Variants in EZH1 observed in about 807,000 individuals in gnomAD.
The protein encoded by EZH1 is histone-lysine N-methyltransferase EZH1.
EZH1 carries 33 observed loss-of-function variants against 100.5 expected under a neutral mutation model. The observed-to-expected ratio is 0.33, with a 90% CI of 0.25 to 0.44. The LOEUF is 0.44. EZH1 is among the 20% of genes least tolerant of loss of function. The pLI is 1.00. For missense variants in EZH1, 475 were observed against 928.4 expected, an observed-to-expected ratio of 0.51 and a Z score of 6.35; for synonymous variants, 272 against 313.8, an observed-to-expected ratio of 0.87 and a Z score of 1.41.
At chr17:42,744,716 C>T (rs1334747773) in intron 1 of EZH1, among the ~76,000 whole-genome samples, 5 of 152,006 alleles carry the variant, frequency 3.3e-5, no homozygotes, top group Non-Finnish European at 5.9e-5. Context: ...CGGCCCACAC[C>T]GCCATCCAAC....
At chr17:42,730,788 G>C in intron 2 of EZH1, 40 bp downstream of exon 2, 1 of 942,006 alleles carries the variant, frequency 1.1e-6, no homozygotes, top group Non-Finnish European at 1.3e-6. Flanking sequence ...GAGCCACCGC[G>C]CCCGGCCAAG....
intron 6 of EZH1, among the ~76,000 whole-genome samples, chr17:42,721,433 A>T (rs2053703699): frequency 6.6e-6 from 1 of 152,188 alleles, no homozygotes; most frequent in Non-Finnish European, 1.5e-5. Context: ...TGGATCAAAG[A>T]AGTATGACAG....
At chr17:42,709,179 A>G (rs1423526658) in intron 13 of EZH1, 4 of 533,946 alleles carry the variant, frequency 7.5e-6, no homozygotes, top group Admixed American at 6.1e-5. Flanking sequence ...GAAATAAAAG[A>G]AAGCCCAAGC....
At chr17:42,720,514 G>C (rs1407981607) in intron 6 of EZH1, 65 bp from the exon 7 acceptor site, 1 of 1,483,046 alleles carries the variant, frequency 6.7e-7, no homozygotes, top group Non-Finnish European at 9.0e-7. Flanking sequence ...CTCCTAGGCA[G>C]GTTTTCTTGT....
intron 3 of EZH1, among the ~76,000 whole-genome samples, 190 bp downstream of exon 3, chr17:42,728,635 G>A (rs1231623079): frequency 1.3e-5 from 2 of 151,032 alleles, no homozygotes; most frequent in South Asian, 2.1e-4. Context: ...CCAGCTAATC[G>A]GGAGGCTGAG....
At chr17:42,712,026 G>A (rs1158185084) in intron 12 of EZH1, among the ~76,000 whole-genome samples, 1 of 152,112 alleles carries the variant, frequency 6.6e-6, no homozygotes, top group African/African-American at 2.4e-5. Flanking sequence ...AAGCGAAAGA[G>A]TGTAGGACCC....
Position 42,724,411 on chromosome 17 carries a change from C to T in EZH1, c.260G>A (p.Ser87Asn). The stretch of plus-strand genomic sequence containing the variant: ...TTGGCTTGCAAATCCCGGGAAAATG[C>T]TCTCTATGGTACACTGAAATATAAG... Reference protein sequence around the residue: ...HPFLKKCTIESIFPGFASQHM... With the variant: ...HPFLKKCTIENIFPGFASQHM... Residue 87 changes from serine to asparagine, a missense_variant, in exon 5 of 21, where the codon AGC becomes AAC. By Grantham distance (46) the Ser-to-Asn change is conservative. Around this residue, in one of 8 missense-constraint regions of EZH1, gnomAD observed 105 missense variants for 129.8 expected, o/e 0.81. Transcript: ENST00000428826. 2 of 1,613,922 alleles carry T rather than the reference C, an allele frequency of 1.2e-6. No homozygotes were observed. The highest frequency in any genetic ancestry group is 1.7e-6 in the Non-Finnish European group (2 of 1,179,878).
intron 14 of EZH1, among the ~76,000 whole-genome samples, chr17:42,708,393 G>A (rs199836555): frequency 1.3e-5 from 2 of 152,140 alleles, no homozygotes; most frequent in African/African-American, 2.4e-5. Context: ...AGTGGCTCAC[G>A]CCTGTAATCC....
In EZH1 at chr17:42,720,279, T is replaced by C. The variant is rs1296856855; in HGVS notation, c.658A>G (p.Ile220Val). The C allele has an allele frequency of 3.7e-6, 6 of 1,613,350 alleles. No homozygotes were observed. In the Admixed American group the frequency reaches 6.7e-5, roughly 18 times the overall value. Residue 220 changes from isoleucine to valine, a missense_variant, in exon 7 of 21, where the codon ATT becomes GTT. Transcript: ENST00000428826. ...GGGAGCCAGTGCTACGTACCTTCAA[T>C]AGCATGTCGCTTTCTCTTTCTTGTT... ...PVTRKRKRHA[I>V]EGNKKSSKKQ...
At position 42,720,272 on chromosome 17, in the gene EZH1, C is replaced by T. The variant is rs564187975; in HGVS notation, c.664+1G>A. On this transcript the variant is annotated splice_donor_variant, in intron 7 of 20. Coordinates refer to ENST00000428826, the MANE Select transcript of EZH1 (RefSeq NM_001991.5). LOFTEE classifies it high-confidence loss of function. ...GGAATAAGGGAGCCAGTGCTACGTACCTTCAATAGCATGTCGCTTTCTCTT... is the reference window on the plus strand; with the variant it reads ...GGAATAAGGGAGCCAGTGCTACGTATCTTCAATAGCATGTCGCTTTCTCTT... 1 of 1,612,288 alleles carries T rather than the reference C, an allele frequency of 6.2e-7. No individual in the cohort carries two copies. Among genetic ancestry groups the T allele is most frequent in the Admixed American group, 1.7e-5 (1 of 59,648 alleles).
intron 10 of EZH1, among the ~76,000 whole-genome samples, chr17:42,715,628 A>T (rs886255164): frequency 1.3e-5 from 2 of 152,188 alleles, no homozygotes; most frequent in Non-Finnish European, 2.9e-5. Context: ...ACAGAAGAAC[A>T]CAGAAATGAC....
chr17:42,733,032 CAA>C (rs35232752), intron 1 of EZH1, among the ~76,000 whole-genome samples: 11,099 of 103,186 alleles, frequency 0.11, 461 homozygotes, highest in African/African-American at 0.17. Flanking sequence ...ACCATCTCTA[CAA>C]AAAAAAAAAA....
intron 2 of EZH1, 89 bp from the exon 3 acceptor site, chr17:42,729,041 C>A: frequency 7.8e-7 from 1 of 1,283,224 alleles, no homozygotes; most frequent in Non-Finnish European, 1.1e-6. Flanking sequence ...ATCAATTATG[C>A]TTTCATTCCC....
Position 42,708,034 on chromosome 17 carries a change from G to A in EZH1, c.1584C>T (p.Asp528=), listed in dbSNP as rs773113718. The change falls in exon 15 of 21, where the codon GAC becomes GAT. Residue 528 remains aspartate (D), a synonymous_variant. Coordinates refer to ENST00000428826, the MANE Select transcript of EZH1 (RefSeq NM_001991.5). ...AGGGGCAGGTGCTGTCACAGGGGCG[G>A]TCTGGGTGGTCGCAGGGTTGGTAGT... ...VYNYQPCDHP[D]RPCDSTCPCI... The A allele has an allele frequency of 1.2e-6, 2 of 1,613,246 alleles. No homozygotes were observed. The highest frequency in any genetic ancestry group is 1.7e-6 in the Non-Finnish European group (2 of 1,179,760).
Position 42,718,408 on chromosome 17 carries a change from G to T in EZH1, c.931+46C>A. 3.1e-6 allele frequency: 5 copies of T among 1,603,334 alleles called. No homozygotes were observed. Among genetic ancestry groups the T allele is most frequent in the Non-Finnish European group, 4.3e-6 (5 of 1,173,244 alleles). On this transcript the variant is annotated intron_variant, in intron 9 of 20. Transcript: ENST00000428826. This position sits in a 1 kb window ranked among gnomAD's most constrained non-coding sequence, Gnocchi z 4.2. ...AACAAAGAGAAGGAAATGGTGGCTGGGGATGGAAGAGAGGAGAGCATTTCA... is the reference window on the plus strand; with the variant it reads ...AACAAAGAGAAGGAAATGGTGGCTGTGGATGGAAGAGAGGAGAGCATTTCA...
At position 42,718,120 on chromosome 17, in the gene EZH1, G is replaced by T; in HGVS notation, c.932-53C>A. 1 of 1,487,160 alleles carries T rather than the reference G, an allele frequency of 6.7e-7. No homozygotes were observed. Among genetic ancestry groups the T allele is most frequent in the Non-Finnish European group, 9.4e-7 (1 of 1,068,376 alleles). The allele number at this position is 1,487,160 out of a possible 1,614,324, so 92.1% of individuals were successfully genotyped here. On this transcript the variant is annotated intron_variant, in intron 9 of 20. Transcript: ENST00000428826. The surrounding 1 kb of genome is among the most constrained non-coding windows in gnomAD (Gnocchi z 4.2). ...AGTGGTCTATCCACTTGACAAGATG[G>T]GGAGAAACAAAAGTGAATTAGAGAG... is the stretch of plus-strand genomic sequence containing the variant.
In EZH1 at chr17:42,706,238, CT is replaced by C; in HGVS notation, c.1661-54del. On this transcript the variant is annotated intron_variant, in intron 15 of 20. Transcript: ENST00000428826. The surrounding 1 kb of genome is among the most constrained non-coding windows in gnomAD (Gnocchi z 4.4). ...GAAGGGAAATAAGCTAATACTGGGGCTTGTGGTTGACTCAAGGGACAGCAAA... is the reference window on the plus strand; with the variant it reads ...GAAGGGAAATAAGCTAATACTGGGGCTGTGGTTGACTCAAGGGACAGCAAA... 1 of 1,490,830 alleles carries C rather than the reference CT, an allele frequency of 6.7e-7. No homozygotes were observed. The highest frequency in any genetic ancestry group is 9.0e-7 in the Non-Finnish European group (1 of 1,105,168). 92.4% of individuals were successfully genotyped at this position (1,490,830 alleles called of 1,614,324 possible). A position where few individuals can be genotyped will look rare whatever the true frequency, so the allele number is the denominator to read the frequency against.
chr17:42,745,005 A>C lies in EZH1; in HGVS notation c.-103+6T>G. ...CCGCCCGGCCCAGGCTTGTTTACTC[A>C]CTCACCCTCCATCCCGAGCCGCGGG... On this transcript the variant is annotated splice_donor_region_variant and intron_variant, in intron 1 of 20. Transcript: ENST00000428826. 7.9e-7 allele frequency: 1 copy of C among 1,271,206 alleles called. No individual in the cohort carries two copies. The highest frequency in any genetic ancestry group is 1.0e-6 in the Non-Finnish European group (1 of 981,762). 78.7% of individuals were successfully genotyped at this position (1,271,206 alleles called of 1,614,324 possible).
intron 1 of EZH1, among the ~76,000 whole-genome samples, chr17:42,737,354 A>C (rs1328583367): frequency 6.6e-6 from 1 of 152,194 alleles, no homozygotes. Flanking sequence ...AAATTCCAAC[A>C]CTTTTGGAGG....
Sources: gnomAD v4.1 joint callset for allele counts (sites outside exome capture counted in the v4.1 genomes callset) on GRCh38, gnomAD v4.1.1 for gene constraint, gnomAD v4.1.1 regional missense constraint, Gnocchi (gnomAD v3.1) non-coding constraint, MANE v1.5 for transcripts, NCBI Gene and HGNC (gene_info 2026-07-23, HGNC 2026-07-21) for gene names.